The following LYST variants were observed in gnomAD, a reference collection of about 807,000 sequenced individuals.
LYST encodes the protein lysosomal-trafficking regulator.
Under a neutral mutation model 413.6 loss-of-function variants are expected in LYST, and 192 were observed. The observed-to-expected ratio is 0.46, with a 90% CI of 0.41 to 0.52. The LOEUF (loss-of-function observed/expected upper bound fraction) is 0.52. Among genes scored for constraint, LYST ranks in the 20% least tolerant of loss-of-function variants. LYST has a pLI of 0.00. For missense variants in LYST, 3,815 were observed against 4,499.9 expected (o/e 0.85, Z 4.35); for synonymous variants, 1,525 against 1,567.3 (o/e 0.97, Z 0.64).
intron 1 of LYST, among the ~76,000 whole-genome samples, chr1:235,843,044 T>G (rs1201381386): frequency 6.6e-6 from 1 of 152,196 alleles, no homozygotes; most frequent in Non-Finnish European, 1.5e-5. Context: ...TTGTCATGTC[T>G]GTGTTCTAGA....
At chr1:235,805,306 T>C (rs1672691176) in intron 6 of LYST, among the ~76,000 whole-genome samples, 1 of 152,130 alleles carries the variant, frequency 6.6e-6, no homozygotes, top group South Asian at 2.1e-4. Flanking sequence ...CCACAATGAT[T>C]GTCCCCACTT....
In LYST at chr1:235,686,560, GC is replaced by G. The variant is rs1437343732; in HGVS notation, c.10800+388del. Among the ~76,000 whole-genome samples the G allele has an allele frequency of 1.3e-5, 2 of 152,098 alleles. No homozygotes were observed. Among genetic ancestry groups the G allele is most frequent in the Admixed American group, 1.3e-4 (2 of 15,284 alleles). Reference sequence around the variant, plus strand: ...AATCCAGACAGACTACTTAGATTTTGCTGTCACTTAGTTTACCCAGAGGTTA... The same window carrying G: ...AATCCAGACAGACTACTTAGATTTTGTGTCACTTAGTTTACCCAGAGGTTA... On this transcript the variant is annotated intron_variant, in intron 48 of 52. Transcript: ENST00000389793. The surrounding 1 kb of genome is among the most constrained non-coding windows in gnomAD (Gnocchi z 4.0).
At chr1:235,744,733 C>T (rs1381497514) in intron 29 of LYST, among the ~76,000 whole-genome samples, 1 of 151,924 alleles carries the variant, frequency 6.6e-6, no homozygotes, top group Middle Eastern at 3.4e-3. Flanking sequence ...AACCCCATCT[C>T]TACAAAAAAA....
chr1:235,757,555 T>G, intron 23 of LYST, 97 bp from the exon 24 acceptor site: 1 of 844,210 alleles, frequency 1.2e-6, no homozygotes, highest in South Asian at 1.4e-5. Flanking sequence ...TTTTAACAGG[T>G]GAAACAAATG....
intron 40 of LYST, among the ~76,000 whole-genome samples, chr1:235,719,005 G>C (rs189635944): frequency 1.3e-5 from 2 of 152,150 alleles, no homozygotes; most frequent in Admixed American, 1.3e-4. Context: ...CTTCAAGTTG[G>C]CTTCTGAGTC....
chr1:235,716,197 C>T (rs894824123), intron 41 of LYST, among the ~76,000 whole-genome samples: 1 of 152,068 alleles, frequency 6.6e-6, no homozygotes, highest in Non-Finnish European at 1.5e-5. Context: ...GAATGTAATG[C>T]GTAGCTATTG....
intron 3 of LYST, chr1:235,829,856 A>G (rs2102994337): frequency 5.6e-6 from 1 of 178,982 alleles, no homozygotes; most frequent in African/African-American, 2.4e-5. Flanking sequence ...AAATTTTTCA[A>G]AAACATACTT....
intron 1 of LYST, among the ~76,000 whole-genome samples, chr1:235,863,646 A>C (rs894860896): frequency 3.3e-5 from 5 of 152,128 alleles, no homozygotes; most frequent in African/African-American, 4.8e-5. Flanking sequence ...AACAAAAATA[A>C]AACTACAATT....
intron 47 of LYST, among the ~76,000 whole-genome samples, chr1:235,687,294 G>GTCTA (rs1367154509): frequency 6.6e-6 from 1 of 152,070 alleles, no homozygotes; most frequent in Non-Finnish European, 1.5e-5. Context: ...CATAGTCTAT[G>GTCTA]TCTATACGTG....
intron 16 of LYST, among the ~76,000 whole-genome samples, chr1:235,779,416 C>G (rs1324117097): frequency 6.6e-6 from 1 of 152,108 alleles, no homozygotes; most frequent in African/African-American, 2.4e-5. Context: ...AAAGTTATTA[C>G]TTGAACAAAC....
intron 48 of LYST, among the ~76,000 whole-genome samples, chr1:235,680,888 C>G (rs187616334): frequency 6.6e-6 from 1 of 152,148 alleles, no homozygotes; most frequent in Non-Finnish European, 1.5e-5. Context: ...CGTGAGCCAC[C>G]GCGCCTGGCC....
chr1:235,833,031 T>C (rs946628940), intron 2 of LYST, among the ~76,000 whole-genome samples: 1 of 152,124 alleles, frequency 6.6e-6, no homozygotes, highest in Non-Finnish European at 1.5e-5. Flanking sequence ...CTCTATAATC[T>C]ACAAATAACA....
chr1:235,723,957 C>G, intron 39 of LYST, 71 bp downstream of exon 39: 1 of 1,263,488 alleles, frequency 7.9e-7, no homozygotes, highest in Non-Finnish European at 1.2e-6. Flanking sequence ...TTCATGTAAT[C>G]AGTATGAGTA....
At chr1:235,804,150 G>A (rs907569340) in intron 7 of LYST, among the ~76,000 whole-genome samples, 1 of 152,074 alleles carries the variant, frequency 6.6e-6, no homozygotes, top group Non-Finnish European at 1.5e-5. Context: ...AGATAGGATA[G>A]GTAAATCACC....
intron 10 of LYST, among the ~76,000 whole-genome samples, chr1:235,798,578 TAAAAAAAAAAAAA>T (rs71174462): frequency 1.7e-3 from 135 of 81,696 alleles, no homozygotes; most frequent in South Asian, 6.1e-3. Context: ...AACCCTGTCA[TAAAAAAAAAAAAA>T]AAAAAAAAAA....
intron 44 of LYST, among the ~76,000 whole-genome samples, chr1:235,703,197 AGTTAT>A (rs1223128508): frequency 1.3e-5 from 2 of 152,344 alleles, no homozygotes; most frequent in African/African-American, 4.8e-5. Flanking sequence ...GGTTATAATT[AGTTAT>A]GTTTATAAAA....
chr1:235,802,003 G>A (rs1432514203), intron 8 of LYST, among the ~76,000 whole-genome samples: 2 of 151,952 alleles, frequency 1.3e-5, no homozygotes, highest in Non-Finnish European at 2.9e-5. Context: ...AGACTAGCCT[G>A]GGCAACATGG....
At chr1:235,804,429 C>T (rs754409613) in intron 7 of LYST, 75 bp downstream of exon 7, 90 of 1,132,220 alleles carry the variant, frequency 7.9e-5, no homozygotes, top group Non-Finnish European at 1.1e-4. Context: ...CATTCATCAG[C>T]GTCCTAGTGT....
At chr1:235,740,708 A>C (rs1665304728) in intron 31 of LYST, among the ~76,000 whole-genome samples, 1 of 152,226 alleles carries the variant, frequency 6.6e-6, no homozygotes, top group Admixed American at 6.5e-5. Flanking sequence ...TCTTCTGTTG[A>C]TAAGCATTTG....
Sources: gnomAD v4.1 joint callset for allele counts (sites outside exome capture counted in the v4.1 genomes callset) on GRCh38, gnomAD v4.1.1 for gene constraint, Gnocchi (gnomAD v3.1) non-coding constraint, MANE v1.5 for transcripts, NCBI Gene and HGNC (gene_info 2026-07-23, HGNC 2026-07-21) for gene names.